TRAF5: variants seen among roughly 807,000 people sequenced by gnomAD.
TRAF5 encodes the protein TNF receptor associated factor 5, also known as TNF receptor-associated factor 5.
TRAF5 carries 48 observed loss-of-function variants against 64.5 expected under a neutral mutation model. The ratio of observed to expected loss-of-function variants is 0.74; its 90% CI spans 0.59 to 0.95. The LOEUF is 0.95. Among genes scored for constraint, TRAF5 ranks in the 40% least tolerant of loss-of-function variants. The pLI, the probability that TRAF5 is intolerant of heterozygous loss-of-function variation, is 0.00. For synonymous variants in TRAF5, 206 were observed against 240.5 expected (o/e 0.86, Z 1.33); for missense variants, 545 against 662.8 (o/e 0.82, Z 1.95).
chr1:211,353,529 T>C, intron 2 of TRAF5, 72 bp downstream of exon 2: 3 of 1,452,862 alleles, frequency 2.1e-6, no homozygotes, highest in Non-Finnish European at 2.8e-6. Context: ...GCCACTCAAC[T>C]GTTTTCATGG....
chr1:211,338,475 A>G (rs1558132548), intron 1 of TRAF5, among the ~76,000 whole-genome samples: 1 of 152,204 alleles, frequency 6.6e-6, no homozygotes, highest in Non-Finnish European at 1.5e-5. Context: ...CAGACTTTGC[A>G]TGTGACCGGC....
In TRAF5 at chr1:211,372,719, A is replaced by G. The variant is rs1703580645; in HGVS notation, c.*17A>G. Reference sequence around the variant, plus strand: ...GATCTCTAGTCACTGTTATGGGGTGATAAGAGGACTTCTTGGGGCCAGAAC... The same window carrying G: ...GATCTCTAGTCACTGTTATGGGGTGGTAAGAGGACTTCTTGGGGCCAGAAC... On this transcript the variant is annotated 3_prime_UTR_variant, in exon 11 of 11. Coordinates refer to ENST00000261464, the MANE Select transcript of TRAF5 (RefSeq NM_001033910.3). The G allele has an allele frequency of 6.2e-7, 1 of 1,606,970 alleles. No homozygotes were observed. The highest frequency in any genetic ancestry group is 1.3e-5 in the African/African-American group (1 of 74,800).
At chr1:211,331,897 C>A (rs1014815111) in intron 1 of TRAF5, among the ~76,000 whole-genome samples, 1 of 152,166 alleles carries the variant, frequency 6.6e-6, no homozygotes, top group African/African-American at 2.4e-5. Context: ...AAACTCCTGA[C>A]CTCAGGTGAT....
At chr1:211,360,334 CA>C in intron 5 of TRAF5, 2 of 508,202 alleles carry the variant, frequency 3.9e-6, no homozygotes. Flanking sequence ...TGCTGAGTCA[CA>C]AGGAGGTGAC....
intron 9 of TRAF5, among the ~76,000 whole-genome samples, chr1:211,370,811 C>T (rs910967621): frequency 2.0e-5 from 3 of 152,164 alleles, no homozygotes; most frequent in Admixed American, 6.6e-5. Flanking sequence ...TATTTAGTCT[C>T]TTCCACCTGA....
chr1:211,367,019 T>C (rs958399114), intron 8 of TRAF5, among the ~76,000 whole-genome samples: 1 of 152,172 alleles, frequency 6.6e-6, no homozygotes, highest in Admixed American at 6.5e-5. Flanking sequence ...TCTGGCCCTG[T>C]CACCCAGGCT....
intron 1 of TRAF5, among the ~76,000 whole-genome samples, chr1:211,329,277 A>G (rs1326064279): frequency 1.3e-5 from 2 of 152,230 alleles, no homozygotes; most frequent in Non-Finnish European, 2.9e-5. Flanking sequence ...CATTCAGGGT[A>G]CGTCTCCCTT....
chr1:211,365,327 T>G (rs753931873), intron 7 of TRAF5, 49 bp from the exon 8 acceptor site: 1 of 1,513,630 alleles, frequency 6.6e-7, no homozygotes, highest in South Asian at 1.2e-5. Context: ...ACCTCTTTCA[T>G]TTTTGGAGCC....
At chr1:211,333,510 T>G (rs556860320) in intron 1 of TRAF5, among the ~76,000 whole-genome samples, 23 of 148,368 alleles carry the variant, frequency 1.6e-4, no homozygotes, top group African/African-American at 5.3e-4. Context: ...TCTTGTTTTG[T>G]TTTTTGAGAT....
chr1:211,346,034 C>T (rs1014193660), intron 1 of TRAF5, among the ~76,000 whole-genome samples: 1 of 152,236 alleles, frequency 6.6e-6, no homozygotes, highest in African/African-American at 2.4e-5. Context: ...TCCCTTAATT[C>T]CACTTCAGCT....
chr1:211,371,889 G>A (rs956488417), intron 10 of TRAF5, among the ~76,000 whole-genome samples: 31 of 152,330 alleles, frequency 2.0e-4, no homozygotes, highest in Non-Finnish European at 1.3e-4. Flanking sequence ...TGAATGCTCA[G>A]TGTGTCTTCT....
At chr1:211,355,577 G>A (rs115872906) in intron 3 of TRAF5, among the ~76,000 whole-genome samples, 5,613 of 152,168 alleles carry the variant, frequency 0.037, 138 homozygotes, top group South Asian at 0.054. Context: ...CCTACAACAC[G>A]GCTGTGCTGC....
intron 1 of TRAF5, among the ~76,000 whole-genome samples, chr1:211,349,069 G>A (rs1003297562): frequency 3.3e-5 from 5 of 150,586 alleles, no homozygotes; most frequent in East Asian, 1.9e-4. Context: ...TTAGCCAGGC[G>A]TGGTGGCACG....
chr1:211,362,159 T>C (rs995292008), intron 7 of TRAF5, among the ~76,000 whole-genome samples: 8 of 152,204 alleles, frequency 5.3e-5, no homozygotes, highest in Non-Finnish European at 7.3e-5. Flanking sequence ...ATGTATGTTA[T>C]TACCTTTTAA....
chr1:211,333,075 T>C (rs553220908), intron 1 of TRAF5, among the ~76,000 whole-genome samples: 2 of 152,364 alleles, frequency 1.3e-5, no homozygotes, highest in East Asian at 3.9e-4. Context: ...TCCTAACAAG[T>C]GGACCTCTCT....
rs371407251 is a variant in TRAF5, at chr1:211,336,817, G to T, written c.-2+9928G>T. Among the ~76,000 whole-genome samples the T allele has an allele frequency of 2.0e-5, 3 of 152,202 alleles. No individual in the cohort carries two copies. The South Asian group carries it at 6.2e-4, about 31-fold the overall frequency. On this transcript the variant is annotated intron_variant, in intron 1 of 10. Transcript: ENST00000261464. ...TGAGATTACAGGCGTATGCCACCAT[G>T]CCCAGCTAATTTTTGTCTTTTTGGT...
At chr1:211,339,716 G>T (rs768067851) in intron 1 of TRAF5, among the ~76,000 whole-genome samples, 1 of 152,144 alleles carries the variant, frequency 6.6e-6, no homozygotes, top group South Asian at 2.1e-4. Context: ...CAGGGCACCT[G>T]GGGTGTGCCT....
At chr1:211,326,704 G>A, upstream of TRAF5, 1 of 986,024 alleles carries the variant, frequency 1.0e-6, no homozygotes, top group Non-Finnish European at 1.2e-6. This position sits in a 1 kb window ranked among gnomAD's most constrained non-coding sequence, Gnocchi z 5.0. Context: ...CCTGGATGAC[G>A]GTCTCAGCCT....
At chr1:211,357,597 C>G (rs1483053382) in intron 4 of TRAF5, 1 of 151,848 alleles carries the variant, frequency 6.6e-6, no homozygotes, top group East Asian at 1.9e-4. Flanking sequence ...TCCCACCCAC[C>G]CACTTCTATG....
Sources: gnomAD v4.1 joint callset for allele counts (sites outside exome capture counted in the v4.1 genomes callset) on GRCh38, gnomAD v4.1.1 for gene constraint, Gnocchi (gnomAD v3.1) non-coding constraint, MANE v1.5 for transcripts, NCBI Gene and HGNC (gene_info 2026-07-23, HGNC 2026-07-21) for gene names.